Variants in GRIP1 observed in about 807,000 individuals in gnomAD.
GRIP1 encodes the protein glutamate receptor interacting protein 1.
A neutral mutation model predicts 129.9 loss-of-function variants in GRIP1; 45 were observed. The ratio of observed to expected loss-of-function variants is 0.35; its 90% CI spans 0.27 to 0.44. The LOEUF (loss-of-function observed/expected upper bound fraction) is 0.44, where lower values mean the gene tolerates loss of function less well. GRIP1 is among the 20% of genes least tolerant of loss of function. The pLI is 1.00. For synonymous variants in GRIP1, 530 were observed against 520.8 expected (o/e 1.02, Z -0.24); for missense variants, 1,196 against 1,396.8 (o/e 0.86, Z 2.29).
intron 1 of GRIP1, among the ~76,000 whole-genome samples, chr12:66,896,959 G>T (rs2870921): frequency 0.22 from 32,751 of 152,118 alleles, 6,407 homozygotes; most frequent in African/African-American, 0.52. Context: ...ACACGAAGCT[G>T]CTCTGAGAGG....
In GRIP1 at chr12:66,377,193, C is replaced by A. The variant is rs1192080478; in HGVS notation, c.2714G>T (p.Gly905Val). ...GGCTACCTCCAGTTCTCTCAGAATT[C>A]CTGACTGTCCGCAGGTTTCCAAATC... is the stretch of plus-strand genomic sequence containing the variant. Reference protein sequence around the residue: ...LEDLETCGQSGILRELEEKAD... With the variant: ...LEDLETCGQSVILRELEEKAD... The change falls in exon 21 of 25, where the codon GGA (glycine) becomes GTA (valine). Residue 905 changes from glycine to valine, a missense_variant. Physicochemically the swap from Gly to Val is moderately radical, Grantham distance 109. Transcript: ENST00000359742. 1 of 1,611,358 alleles carries A rather than the reference C, an allele frequency of 6.2e-7. No homozygotes were observed. The highest frequency in any genetic ancestry group is 1.1e-5 in the South Asian group (1 of 91,026).
intron 23 of GRIP1, among the ~76,000 whole-genome samples, chr12:66,362,785 C>T (rs1219598819): frequency 6.6e-6 from 1 of 151,726 alleles, no homozygotes; most frequent in Non-Finnish European, 1.5e-5. Flanking sequence ...TATGATCAAG[C>T]CCTGAGAAAT....
At chr12:66,459,348 C>T (rs117024556) in intron 9 of GRIP1, among the ~76,000 whole-genome samples, 291 of 152,316 alleles carry the variant, frequency 1.9e-3, no homozygotes, top group South Asian at 5.2e-3. Flanking sequence ...TTCAGCAAGA[C>T]GCAGTTATTA....
At chr12:66,746,968 T>C (rs1387064560) in intron 1 of GRIP1, among the ~76,000 whole-genome samples, 1 of 152,192 alleles carries the variant, frequency 6.6e-6, no homozygotes, top group Admixed American at 6.5e-5. Context: ...AGCATTATAA[T>C]AAATTAAGCC....
At chr12:66,844,167 C>A (rs1368570541) in intron 1 of GRIP1, among the ~76,000 whole-genome samples, 1 of 152,054 alleles carries the variant, frequency 6.6e-6, no homozygotes, top group Non-Finnish European at 1.5e-5. Context: ...CAAAGATATA[C>A]AAATGGCCAA....
At chr12:66,419,057 A>C (rs1403929112) in intron 15 of GRIP1, among the ~76,000 whole-genome samples, 1 of 152,160 alleles carries the variant, frequency 6.6e-6, no homozygotes, top group Non-Finnish European at 1.5e-5. Context: ...GTCCACTGAG[A>C]GATAAATGGA....
intron 1 of GRIP1, among the ~76,000 whole-genome samples, chr12:66,941,716 T>C (rs1028592323): frequency 6.6e-6 from 1 of 152,120 alleles, no homozygotes; most frequent in Non-Finnish European, 1.5e-5. Flanking sequence ...CCCTGAGATA[T>C]CCAAAACAGG....
intron 19 of GRIP1, 139 bp downstream of exon 19, chr12:66,392,169 G>A (rs886738782): frequency 1.5e-6 from 1 of 659,548 alleles, no homozygotes. Context: ...AGTATTCAAT[G>A]TGTTCAATAT....
chr12:66,899,304 C>T (rs779636852), intron 1 of GRIP1, among the ~76,000 whole-genome samples: 30 of 151,986 alleles, frequency 2.0e-4, no homozygotes, highest in Admixed American at 8.5e-4. Flanking sequence ...ATGCTGCTGT[C>T]AGGACAGAAT....
At chr12:66,777,551 T>A (rs1189269410) in intron 1 of GRIP1, among the ~76,000 whole-genome samples, 1 of 152,200 alleles carries the variant, frequency 6.6e-6, no homozygotes, top group East Asian at 1.9e-4. Context: ...TTATCATCTA[T>A]CTCTTGCCTC....
At chr12:66,897,543 T>G (rs77917720) in intron 1 of GRIP1, among the ~76,000 whole-genome samples, 1 of 152,210 alleles carries the variant, frequency 6.6e-6, no homozygotes, top group Non-Finnish European at 1.5e-5. Flanking sequence ...TCAGAACATA[T>G]GCTTCAAAGA....
At chr12:66,416,928 CA>C (rs1329168943) in intron 15 of GRIP1, among the ~76,000 whole-genome samples, 1 of 151,096 alleles carries the variant, frequency 6.6e-6, no homozygotes, top group Non-Finnish European at 1.5e-5. Flanking sequence ...ACCATGATAA[CA>C]AAACCAGACA....
intron 2 of GRIP1, among the ~76,000 whole-genome samples, chr12:66,584,196 G>A (rs919023577): frequency 1.3e-4 from 20 of 149,230 alleles, no homozygotes; most frequent in Admixed American, 2.7e-4. Context: ...CTCATAGGTG[G>A]GAATTGAACA....
chr12:67,031,251 A>G (rs2043017869), intron 1 of GRIP1, among the ~76,000 whole-genome samples: 1 of 152,206 alleles, frequency 6.6e-6, no homozygotes, highest in Non-Finnish European at 1.5e-5. Context: ...AAACACTTTC[A>G]GATTCATCCT....
At chr12:66,785,617 T>A (rs926951883) in intron 1 of GRIP1, among the ~76,000 whole-genome samples, 3 of 151,980 alleles carry the variant, frequency 2.0e-5, no homozygotes, top group Non-Finnish European at 4.4e-5. Context: ...CTTAGCCAAA[T>A]GTAGTAAAGT....
At position 66,945,319 on chromosome 12, in the gene GRIP1, A is replaced by G. The variant is rs892752790; in HGVS notation, c.58+123731T>C. Among the ~76,000 whole-genome samples, 41 of 152,204 alleles carry G rather than the reference A, an allele frequency of 2.7e-4. 1 individual carries two copies. The highest frequency in any genetic ancestry group is 2.9e-5 in the Non-Finnish European group (2 of 68,036). ...AGTTTTTTAGTTTCACTACAAAAAC[A>G]TTTATGTAACTGCTGTAATAAACAC... is the stretch of plus-strand genomic sequence containing the variant. On this transcript the variant is annotated intron_variant, in intron 1 of 1. Transcript: ENST00000643019.
At chr12:66,543,243 A>G (rs1453475411) in intron 2 of GRIP1, among the ~76,000 whole-genome samples, 2 of 152,138 alleles carry the variant, frequency 1.3e-5, no homozygotes, top group Non-Finnish European at 1.5e-5. Context: ...TGAGTTTGCC[A>G]GCTCCTGTGA....
intron 1 of GRIP1, among the ~76,000 whole-genome samples, chr12:66,938,863 A>T (rs1464310871): frequency 6.6e-6 from 1 of 152,214 alleles, no homozygotes; most frequent in East Asian, 1.9e-4. Context: ...AGGCTGAGGC[A>T]GGAGAATTGC....
At chr12:66,451,544 T>C (rs2058806516) in intron 11 of GRIP1, among the ~76,000 whole-genome samples, 1 of 151,908 alleles carries the variant, frequency 6.6e-6, no homozygotes, top group Non-Finnish European at 1.5e-5. Flanking sequence ...GCTGGGACTA[T>C]AGGTGTGTGC....
Sources: allele counts gnomAD v4.1 joint callset (sites outside exome capture counted in the v4.1 genomes callset), GRCh38; gene constraint gnomAD v4.1.1; transcripts MANE v1.5; gene names NCBI Gene and HGNC (gene_info 2026-07-23, HGNC 2026-07-21).